Variants in ZNF514 observed in about 807,000 individuals in gnomAD.
ZNF514 encodes zinc finger protein 514.
In ZNF514, 12 loss-of-function variants were observed where a neutral mutation model predicts 9.7. The observed-to-expected ratio is 1.24, with a 90% CI of 0.79 to 2.01. ZNF514 has a LOEUF of 2.01. Among genes scored for constraint, ZNF514 ranks in the 30% most tolerant of loss-of-function variants. The pLI, the probability that ZNF514 is intolerant of heterozygous loss-of-function variation, is 0.00. For missense variants in ZNF514, 467 were observed against 465.5 expected, an observed-to-expected ratio of 1.00 and a Z score of -0.03; for synonymous variants, 158 against 163.7, an observed-to-expected ratio of 0.97 and a Z score of 0.27.
chr2:95,151,381 T>C (rs1465977949), intron 4 of ZNF514, among the ~76,000 whole-genome samples: 2 of 152,190 alleles, frequency 1.3e-5, no homozygotes, highest in African/African-American at 2.4e-5. Flanking sequence ...CATCTGTTTA[T>C]AGCCAGCAAG....
At chr2:95,150,934 C>T (rs571144576) in intron 4 of ZNF514, among the ~76,000 whole-genome samples, 1 of 152,330 alleles carries the variant, frequency 6.6e-6, no homozygotes, top group South Asian at 2.1e-4. Flanking sequence ...GCCCCTCTCA[C>T]CACTCTCTTT....
chr2:95,141,429 C>T (rs1023303598), downstream of ZNF514, among the ~76,000 whole-genome samples: 5 of 152,114 alleles, frequency 3.3e-5, no homozygotes, highest in Non-Finnish European at 4.4e-5. Flanking sequence ...CCCCTGGGGA[C>T]GTATCAGTTC....
intron 1 of ZNF514, among the ~76,000 whole-genome samples, chr2:95,157,985 T>C (rs1243849913): frequency 6.6e-6 from 1 of 152,178 alleles, no homozygotes; most frequent in Non-Finnish European, 1.5e-5. Context: ...TGAGAGCTCC[T>C]TCATTATAAA....
the ZNF514 span, among the ~76,000 whole-genome samples, chr2:95,132,697 G>A: frequency 3.2e-4 from 48 of 151,874 alleles, no homozygotes; most frequent in Non-Finnish European, 2.2e-4. Flanking sequence ...GCGAAACCCC[G>A]TCTCCACTAA....
chr2:95,149,241 T>C lies in ZNF514; in HGVS notation c.*41A>G. 1.3e-6 allele frequency: 2 copies of C among 1,525,576 alleles called. No homozygotes were observed. Among genetic ancestry groups the C allele is most frequent in the South Asian group, 1.3e-5 (1 of 74,158 alleles). The allele number at this position is 1,525,576 out of a possible 1,614,324, so 94.5% of individuals were successfully genotyped here. ...ATATGAATTCTTTAAGTTCCAGTGATGTCTGCACTCCAGCTGAAAGCCCTT... is the reference window on the plus strand; with the variant it reads ...ATATGAATTCTTTAAGTTCCAGTGACGTCTGCACTCCAGCTGAAAGCCCTT... On this transcript the variant is annotated 3_prime_UTR_variant, in exon 5 of 5. Coordinates refer to ENST00000295208, the MANE Select transcript of ZNF514 (RefSeq NM_032788.3).
At chr2:95,151,920 T>C (rs906895979) in intron 4 of ZNF514, among the ~76,000 whole-genome samples, 14 of 152,342 alleles carry the variant, frequency 9.2e-5, no homozygotes, top group Non-Finnish European at 1.5e-4. Context: ...TGCCATAACC[T>C]AGTTCCCTTT....
At position 95,150,096 on chromosome 2, in the gene ZNF514, T is replaced by A. The variant is rs771859461; in HGVS notation, c.389A>T (p.Gln130Leu). 6.2e-7 allele frequency: 1 copy of A among 1,613,270 alleles called. No homozygotes were observed. The highest frequency in any genetic ancestry group is 1.1e-5 in the South Asian group (1 of 91,082). The change falls in exon 5 of 5, where the codon CAG becomes CTG. Residue 130 changes from glutamine to leucine, a missense_variant. Gln to Leu is a moderately radical substitution (Grantham distance 113, BLOSUM62 -2). Coordinates refer to ENST00000295208, the MANE Select transcript of ZNF514 (RefSeq NM_032788.3). ...TGACATTTGTTTCAGGTGTCTCTCC[T>A]GTTTTATCTGCTGCATCTCTAACTG... The part of the protein sequence containing the change: ...DGQLEMQQIK[Q>L]ERHLKQMSTI...
At chr2:95,128,783 GGAA>G in the ZNF514 span, among the ~76,000 whole-genome samples, 3 of 150,604 alleles carry the variant, frequency 2.0e-5, no homozygotes, top group Non-Finnish European at 4.4e-5. Context: ...AGAAGGAGGA[GGAA>G]GAGGAGGAGG....
At chr2:95,129,570 C>CTTACAGG in the ZNF514 span, among the ~76,000 whole-genome samples, 5 of 152,154 alleles carry the variant, frequency 3.3e-5, no homozygotes, top group Non-Finnish European at 7.3e-5. Context: ...TTCCTCCAAA[C>CTTACAGG]TGCCCCCACT....
At chr2:95,125,837 A>G in the ZNF514 span, among the ~76,000 whole-genome samples, 1 of 152,332 alleles carries the variant, frequency 6.6e-6, no homozygotes, top group South Asian at 2.1e-4. Flanking sequence ...TGAATAGATC[A>G]TATTTTATTA....
At chr2:95,134,388 C>T in the ZNF514 span, among the ~76,000 whole-genome samples, 1 of 152,148 alleles carries the variant, frequency 6.6e-6, no homozygotes, top group Admixed American at 6.5e-5. Flanking sequence ...TCTGGAGAAC[C>T]AGATACAGGC....
chr2:95,125,908 C>A, the ZNF514 span, among the ~76,000 whole-genome samples: 1 of 152,190 alleles, frequency 6.6e-6, no homozygotes, highest in Non-Finnish European at 1.5e-5. Context: ...GTGAATAATG[C>A]TGCTGTGAAC....
the ZNF514 span, among the ~76,000 whole-genome samples, chr2:95,137,596 T>C: frequency 4.6e-5 from 7 of 152,328 alleles, no homozygotes; most frequent in South Asian, 1.5e-3. Flanking sequence ...AACTTTCAGA[T>C]GGATTTTATC....
chr2:95,123,758 A>G, the ZNF514 span, among the ~76,000 whole-genome samples: 2 of 152,232 alleles, frequency 1.3e-5, no homozygotes, highest in Non-Finnish European at 2.9e-5. Context: ...TGATCATACA[A>G]CAGCCAGTTC....
chr2:95,158,290 A>C (rs1673741099), intron 1 of ZNF514, among the ~76,000 whole-genome samples: 2 of 151,886 alleles, frequency 1.3e-5, no homozygotes, highest in Admixed American at 1.3e-4. Flanking sequence ...AAAGGAAAAA[A>C]GAGGGGGTGG....
At chr2:95,128,527 G>C in the ZNF514 span, among the ~76,000 whole-genome samples, 1 of 152,032 alleles carries the variant, frequency 6.6e-6, no homozygotes. Context: ...CTGCACTCCA[G>C]CCTGGGCGAC....
At chr2:95,150,379 A>C in intron 4 of ZNF514, 112 bp from the exon 5 acceptor site, 1 of 1,218,770 alleles carries the variant, frequency 8.2e-7, no homozygotes. Flanking sequence ...TTAAAATAAC[A>C]CCTAAAAGGG....
In ZNF514 at chr2:95,148,953, G is replaced by A. The variant is rs181992084; in HGVS notation, c.*329C>T. 6.3e-5 allele frequency: 17 copies of A among 269,718 alleles called. 1 individual carries two copies. In the East Asian group the frequency reaches 1.2e-3, roughly 19 times the overall value. 16.7% of individuals were successfully genotyped at this position (269,718 alleles called of 1,614,324 possible). A position where few individuals can be genotyped will look rare whatever the true frequency, so the allele number is the denominator to read the frequency against. The stretch of plus-strand genomic sequence containing the variant: ...TTAAAGAATCAGTATGTAACTGAAG[G>A]CTTGCCACACTCACTGCATTGATAA... On this transcript the variant is annotated 3_prime_UTR_variant, in exon 5 of 5. Transcript: ENST00000295208.
At chr2:95,130,968 C>T in the ZNF514 span, among the ~76,000 whole-genome samples, 3 of 152,226 alleles carry the variant, frequency 2.0e-5, no homozygotes, top group East Asian at 1.9e-4. Context: ...TAAAGACAGG[C>T]GTTAAGAAAT....
Sources: gnomAD v4.1 joint callset for allele counts (sites outside exome capture counted in the v4.1 genomes callset) on GRCh38, gnomAD v4.1.1 for gene constraint, MANE v1.5 for transcripts, NCBI Gene and HGNC (gene_info 2026-07-23, HGNC 2026-07-21) for gene names.